The following STK33 variants were observed in gnomAD, a reference collection of about 807,000 sequenced individuals.
The protein encoded by STK33 is serine/threonine kinase 33, also known as serine/threonine-protein kinase 33.
STK33 carries 52 observed loss-of-function variants against 58.0 expected under a neutral mutation model. The observed-to-expected ratio is 0.90, with a 90% confidence interval of 0.72 to 1.13. STK33 has a LOEUF of 1.13. Among genes scored for constraint, STK33 ranks in the 50% most tolerant of loss-of-function variants. The pLI, the probability that STK33 is intolerant of heterozygous loss-of-function variation, is 0.00. For missense variants in STK33, 630 were observed against 604.2 expected (o/e 1.04, Z -0.45); for synonymous variants, 215 against 200.1 (o/e 1.07, Z -0.63).
intron 1 of STK33, among the ~76,000 whole-genome samples, chr11:8,488,892 TGAACTTACTA>T (rs1317126955): frequency 2.0e-5 from 3 of 152,206 alleles, no homozygotes; most frequent in African/African-American, 7.2e-5. Context: ...GCCCAAATGT[TGAACTTACTA>T]GACAAAGACT....
At chr11:8,435,151 G>A (rs992106265) in intron 14 of STK33, among the ~76,000 whole-genome samples, 2 of 152,182 alleles carry the variant, frequency 1.3e-5, no homozygotes, top group African/African-American at 4.8e-5. Flanking sequence ...AGAGAGGTGA[G>A]TGGTTCCAGT....
chr11:8,515,896 C>T (rs1021670738), intron 1 of STK33, among the ~76,000 whole-genome samples: 1 of 152,096 alleles, frequency 6.6e-6, no homozygotes, highest in African/African-American at 2.4e-5. Flanking sequence ...CACTCAAAGG[C>T]GTAAAACTGA....
chr11:8,555,844 AAAT>A (rs1384771379), intron 1 of STK33, among the ~76,000 whole-genome samples: 1 of 152,182 alleles, frequency 6.6e-6, no homozygotes, highest in African/African-American at 2.4e-5. Flanking sequence ...TGTCAATTAA[AAAT>A]AATAAGTTTT....
At chr11:8,364,518 T>C in the STK33 span, among the ~76,000 whole-genome samples, 265 of 152,314 alleles carry the variant, frequency 1.7e-3, no homozygotes, top group Non-Finnish European at 3.0e-3. Context: ...GTATCTGCTA[T>C]TGATGGAGCA....
intron 1 of STK33, among the ~76,000 whole-genome samples, chr11:8,515,062 G>A (rs1952654383): frequency 6.6e-6 from 1 of 152,082 alleles, no homozygotes; most frequent in Admixed American, 6.6e-5. Flanking sequence ...AACTGGAAGA[G>A]AAGTCAGAAA....
chr11:8,450,217 T>C (rs1946102430), intron 11 of STK33, among the ~76,000 whole-genome samples: 1 of 152,142 alleles, frequency 6.6e-6, no homozygotes, highest in African/African-American at 2.4e-5. Context: ...CATGGAATAC[T>C]ATGCAGCCAT....
At chr11:8,484,687 A>G (rs1351612751) in intron 1 of STK33, among the ~76,000 whole-genome samples, 2 of 152,222 alleles carry the variant, frequency 1.3e-5, no homozygotes, top group South Asian at 2.1e-4. Flanking sequence ...ATTTGACTAT[A>G]TTATACCTTA....
chr11:8,388,925 T>C (rs886160092), downstream of STK33, among the ~76,000 whole-genome samples: 60 of 152,154 alleles, frequency 3.9e-4, no homozygotes, highest in Non-Finnish European at 7.1e-4. Flanking sequence ...GTGAATCTCT[T>C]TGTGTCAGGA....
chr11:8,473,415 T>C (rs1267631640), intron 5 of STK33, 139 bp from the exon 6 acceptor site: 11 of 608,332 alleles, frequency 1.8e-5, no homozygotes, highest in East Asian at 1.1e-4. Flanking sequence ...TACTGTCTTT[T>C]TCAAATTCTA....
chr11:8,384,534 C>T, the STK33 span, among the ~76,000 whole-genome samples: 15 of 152,238 alleles, frequency 9.9e-5, no homozygotes, highest in Non-Finnish European at 2.1e-4. Context: ...AGTGGTCACG[C>T]TCCTTGTTCA....
At chr11:8,488,229 G>A (rs1364728857) in intron 1 of STK33, among the ~76,000 whole-genome samples, 2 of 152,164 alleles carry the variant, frequency 1.3e-5, no homozygotes, top group Admixed American at 1.3e-4. Context: ...ACAAGCAGGT[G>A]TTTTAACTTC....
At chr11:8,561,629 C>T (rs1188695461) in intron 1 of STK33, among the ~76,000 whole-genome samples, 5 of 152,092 alleles carry the variant, frequency 3.3e-5, no homozygotes, top group South Asian at 2.1e-4. Context: ...ATTGTCCATT[C>T]GTTCTACTCT....
At chr11:8,377,659 G>A in the STK33 span, among the ~76,000 whole-genome samples, 1 of 152,160 alleles carries the variant, frequency 6.6e-6, no homozygotes, top group Non-Finnish European at 1.5e-5. Flanking sequence ...AATTGGAAAA[G>A]AGGAGGTCAA....
At chr11:8,380,641 G>A in the STK33 span, among the ~76,000 whole-genome samples, 2 of 151,860 alleles carry the variant, frequency 1.3e-5, no homozygotes, top group Non-Finnish European at 2.9e-5. Flanking sequence ...ATACACTGCT[G>A]GTTGGAATGT....
the STK33 span, among the ~76,000 whole-genome samples, chr11:8,343,403 G>C: frequency 4.1e-4 from 62 of 152,384 alleles, no homozygotes; most frequent in African/African-American, 1.4e-3. Context: ...AGTGGGGACA[G>C]CAGCAAATTC....
intron 1 of STK33, among the ~76,000 whole-genome samples, chr11:8,495,570 A>G (rs901033751): frequency 7.2e-5 from 11 of 152,092 alleles, no homozygotes; most frequent in African/African-American, 2.7e-4. Context: ...ACTAGAAATA[A>G]CATTTGACCC....
At chr11:8,524,900 T>C (rs1410215662) in intron 1 of STK33, among the ~76,000 whole-genome samples, 1 of 152,004 alleles carries the variant, frequency 6.6e-6, no homozygotes, top group Non-Finnish European at 1.5e-5. Flanking sequence ...TTTGAGGGGA[T>C]AGATATGTTT....
intron 1 of STK33, among the ~76,000 whole-genome samples, chr11:8,536,161 A>C (rs920706866): frequency 1.3e-5 from 2 of 152,164 alleles, no homozygotes; most frequent in Non-Finnish European, 2.9e-5. Context: ...ATACAGTTAG[A>C]TAGAAGAAAT....
chr11:8,471,975 G>T (rs1334600501), intron 6 of STK33, among the ~76,000 whole-genome samples: 1 of 152,064 alleles, frequency 6.6e-6, no homozygotes, highest in East Asian at 1.9e-4. Context: ...GCCCAGGCTA[G>T]AATGCAGTGG....
Sources: gnomAD v4.1 joint callset for allele counts (sites outside exome capture counted in the v4.1 genomes callset) on GRCh38, gnomAD v4.1.1 for gene constraint, MANE v1.5 for transcripts, NCBI Gene and HGNC (gene_info 2026-07-23, HGNC 2026-07-21) for gene names.